BMAL1: variants seen among roughly 807,000 people sequenced by gnomAD.
The protein encoded by BMAL1 is basic helix-loop-helix ARNT-like protein 1.
the BMAL1 span, among the ~76,000 whole-genome samples, chr11:13,330,684 A>G: frequency 6.6e-5 from 10 of 152,270 alleles, no homozygotes; most frequent in African/African-American, 2.2e-4. Context: ...TAAATATAGA[A>G]TAGTATACTT....
At chr11:13,303,422 T>C in the BMAL1 span, among the ~76,000 whole-genome samples, 2 of 152,118 alleles carry the variant, frequency 1.3e-5, no homozygotes, top group South Asian at 2.1e-4. Context: ...TGGAGAAAAA[T>C]GAAGCAAGGA....
chr11:13,354,270 C>T, the BMAL1 span: 1 of 1,284,172 alleles, frequency 7.8e-7, no homozygotes, highest in Non-Finnish European at 1.0e-6. Context: ...TCGAAATAAA[C>T]ACACCTTTGT....
the BMAL1 span, among the ~76,000 whole-genome samples, chr11:13,383,912 T>C: frequency 6.6e-6 from 1 of 152,118 alleles, no homozygotes; most frequent in Non-Finnish European, 1.5e-5. Flanking sequence ...CCATCATTAC[T>C]TTTATAAAAT....
the BMAL1 span, among the ~76,000 whole-genome samples, chr11:13,383,877 G>T: frequency 6.6e-6 from 1 of 151,950 alleles, no homozygotes; most frequent in Non-Finnish European, 1.5e-5. Flanking sequence ...AGGAAGGAAG[G>T]GAGTGAGGGA....
chr11:13,299,959 C>T, the BMAL1 span, among the ~76,000 whole-genome samples: 1 of 152,306 alleles, frequency 6.6e-6, no homozygotes, highest in East Asian at 1.9e-4. Context: ...GTCCGAGGGG[C>T]TGAAAGTTGT....
At chr11:13,343,515 G>A in the BMAL1 span, among the ~76,000 whole-genome samples, 195 of 152,262 alleles carry the variant, frequency 1.3e-3, no homozygotes, top group Non-Finnish European at 2.3e-3. Context: ...AGGTGGAGTC[G>A]GGCCACTTTC....
the BMAL1 span, among the ~76,000 whole-genome samples, chr11:13,335,385 CTT>C: frequency 3.3e-5 from 5 of 152,206 alleles, no homozygotes; most frequent in African/African-American, 1.2e-4. Flanking sequence ...CTCTCTGCCT[CTT>C]TTTGTCTGTA....
the BMAL1 span, among the ~76,000 whole-genome samples, chr11:13,351,732 C>T: frequency 3.9e-5 from 6 of 152,084 alleles, no homozygotes; most frequent in African/African-American, 4.8e-5. Context: ...GTGAGAAGGG[C>T]GAGGTCAGCT....
At chr11:13,376,274 C>T in the BMAL1 span, among the ~76,000 whole-genome samples, 7 of 152,320 alleles carry the variant, frequency 4.6e-5, no homozygotes, top group African/African-American at 1.4e-4. Context: ...CTGCTCCCCA[C>T]TTTTCCTTCC....
At chr11:13,305,947 T>C in the BMAL1 span, among the ~76,000 whole-genome samples, 30 of 152,354 alleles carry the variant, frequency 2.0e-4, no homozygotes, top group Admixed American at 1.3e-4. Flanking sequence ...GTCTGAGCTA[T>C]ATGCAGAAAA....
chr11:13,297,108 T>C, the BMAL1 span, among the ~76,000 whole-genome samples: 1 of 152,230 alleles, frequency 6.6e-6, no homozygotes, highest in East Asian at 1.9e-4. Context: ...AGCAATTTTA[T>C]TAAAAAAATA....
the BMAL1 span, among the ~76,000 whole-genome samples, chr11:13,323,427 G>T: frequency 6.6e-6 from 1 of 152,084 alleles, no homozygotes; most frequent in African/African-American, 2.4e-5. Flanking sequence ...CAGAAGTCTT[G>T]ATTTGTTCCT....
the BMAL1 span, among the ~76,000 whole-genome samples, chr11:13,308,774 T>C: frequency 6.6e-6 from 1 of 152,134 alleles, no homozygotes. Flanking sequence ...CTGAGAAAGA[T>C]GTGAAGATAG....
the BMAL1 span, among the ~76,000 whole-genome samples, chr11:13,370,881 T>C: frequency 6.6e-6 from 1 of 152,242 alleles, no homozygotes; most frequent in Non-Finnish European, 1.5e-5. Flanking sequence ...CTTCCTTTGA[T>C]GCCTCAAGCC....
At chr11:13,280,377 G>A in the BMAL1 span, among the ~76,000 whole-genome samples, 2 of 152,232 alleles carry the variant, frequency 1.3e-5, no homozygotes, top group Non-Finnish European at 1.5e-5. Flanking sequence ...AGATGGAGAA[G>A]CACCATAGAA....
the BMAL1 span, among the ~76,000 whole-genome samples, chr11:13,347,620 G>A: frequency 6.6e-6 from 1 of 152,010 alleles, no homozygotes; most frequent in Non-Finnish European, 1.5e-5. Context: ...GCCGAGATGG[G>A]CGGATTGCTT....
chr11:13,284,267 T>TATATATATATA, the BMAL1 span, among the ~76,000 whole-genome samples: 54 of 11,758 alleles, frequency 4.6e-3, 1 homozygote, highest in South Asian at 0.017. Flanking sequence ...TATATATATA[T>TATATATATATA]TTTTTTTTTT....
At chr11:13,310,150 C>T in the BMAL1 span, 1 of 152,644 alleles carries the variant, frequency 6.6e-6, no homozygotes, top group Non-Finnish European at 1.5e-5. Flanking sequence ...GGCAAGTTCT[C>T]TGTGGAGGTT....
chr11:13,343,587 C>T, the BMAL1 span, among the ~76,000 whole-genome samples: 1 of 152,284 alleles, frequency 6.6e-6, no homozygotes, highest in East Asian at 1.9e-4. Context: ...CCCCAGGATG[C>T]CCAGTGAGTT....
Sources: allele counts gnomAD v4.1 joint callset (sites outside exome capture counted in the v4.1 genomes callset), GRCh38; gene constraint gnomAD v4.1.1; transcripts MANE v1.5; gene names NCBI Gene and HGNC (gene_info 2026-07-23, HGNC 2026-07-21).